CACNG2: variants seen among roughly 807,000 people sequenced by gnomAD.
The protein encoded by CACNG2 is calcium voltage-gated channel auxiliary subunit gamma 2, also known as voltage-dependent calcium channel gamma-2 subunit.
A neutral mutation model predicts 25.9 loss-of-function variants in CACNG2; 3 were observed. The observed-to-expected ratio is 0.12, with a 90% CI of 0.05 to 0.30. The LOEUF is 0.30. Among genes scored for constraint, CACNG2 ranks in the 10% least tolerant of loss-of-function variants. CACNG2 has a pLI of 1.00. For missense variants in CACNG2, 341 were observed against 432.5 expected, an observed-to-expected ratio of 0.79 and a Z score of 1.88; for synonymous variants, 167 against 173.3, an observed-to-expected ratio of 0.96 and a Z score of 0.29.
chr22:36,582,009 G>A (rs1164693951), intron 2 of CACNG2, among the ~76,000 whole-genome samples: 1 of 152,178 alleles, frequency 6.6e-6, no homozygotes, highest in East Asian at 1.9e-4. Context: ...CAGCCTTTCA[G>A]AAAATCCTGT....
chr22:36,565,302 A>G (rs1346593044), intron 3 of CACNG2, among the ~76,000 whole-genome samples: 1 of 152,258 alleles, frequency 6.6e-6, no homozygotes, highest in Admixed American at 6.5e-5. Context: ...AAGCTGGTGT[A>G]GCAGCGGGTG....
intron 1 of CACNG2, among the ~76,000 whole-genome samples, chr22:36,611,770 G>A (rs552675133): frequency 3.9e-5 from 6 of 152,250 alleles, no homozygotes; most frequent in Admixed American, 1.3e-4. Context: ...GTCTGGTCAG[G>A]ACCGAGGCCT....
At chr22:36,640,220 T>TAA (rs1936422448) in intron 1 of CACNG2, among the ~76,000 whole-genome samples, 3 of 152,152 alleles carry the variant, frequency 2.0e-5, no homozygotes, top group Admixed American at 1.3e-4. Context: ...CAGGGGCGGT[T>TAA]GTGAGGAATC....
chr22:36,651,826 C>T (rs1441425051), intron 1 of CACNG2, among the ~76,000 whole-genome samples: 1 of 152,084 alleles, frequency 6.6e-6, no homozygotes, highest in Non-Finnish European at 1.5e-5. Flanking sequence ...TGACACTTAC[C>T]AACCTCTCCT....
At chr22:36,571,282 C>A (rs1935219651) in intron 2 of CACNG2, among the ~76,000 whole-genome samples, 1 of 151,784 alleles carries the variant, frequency 6.6e-6, no homozygotes, top group African/African-American at 2.4e-5. Flanking sequence ...CATGGCGAAA[C>A]CTTGCTTCTA....
chr22:36,646,537 G>A (rs1423057672), intron 1 of CACNG2, among the ~76,000 whole-genome samples: 1 of 152,070 alleles, frequency 6.6e-6, no homozygotes, highest in East Asian at 1.9e-4. Context: ...AATCCAAGAA[G>A]CCTATTTTAG....
intron 1 of CACNG2, among the ~76,000 whole-genome samples, chr22:36,601,517 A>G (rs185979290): frequency 1.3e-5 from 2 of 151,816 alleles, no homozygotes; most frequent in East Asian, 3.9e-4. Flanking sequence ...TTTTTGGGAC[A>G]GGGTCTCCCT....
chr22:36,669,142 C>T (rs975375394), intron 1 of CACNG2, among the ~76,000 whole-genome samples: 1 of 152,102 alleles, frequency 6.6e-6, no homozygotes, highest in African/African-American at 2.4e-5. Flanking sequence ...AGAATGCCTG[C>T]CTGCGTCAGT....
Position 36,579,543 on chromosome 22 carries a change from A to G in CACNG2, c.295+7922T>C, listed in dbSNP as rs563048932. 8.5e-4 allele frequency among the ~76,000 whole-genome samples: 130 copies of G among 152,066 alleles called. 1 individual carries two copies. Among genetic ancestry groups the G allele is most frequent in the African/African-American group, 2.9e-3 (121 of 41,466 alleles). On this transcript the variant is annotated intron_variant, in intron 2 of 3. Coordinates refer to ENST00000300105, the MANE Select transcript of CACNG2 (RefSeq NM_006078.5). ...GCCTGGAGATAGCTGTGGTCTCCTA[A>G]GTGGTCTCCCTCTCCTGCAGAAGCT...
At chr22:36,679,314 A>G (rs776675940) in intron 1 of CACNG2, among the ~76,000 whole-genome samples, 5 of 151,982 alleles carry the variant, frequency 3.3e-5, no homozygotes, top group Non-Finnish European at 5.9e-5. Context: ...CAGGGGTTAA[A>G]GTCCTTTATA....
intron 1 of CACNG2, among the ~76,000 whole-genome samples, chr22:36,645,913 G>A (rs537613873): frequency 6.6e-6 from 1 of 152,288 alleles, no homozygotes; most frequent in East Asian, 1.9e-4. Flanking sequence ...AAAATTACCT[G>A]CATAGAGTCA....
intron 2 of CACNG2, among the ~76,000 whole-genome samples, chr22:36,573,474 G>C (rs547007073): frequency 1.3e-5 from 2 of 152,228 alleles, no homozygotes; most frequent in African/African-American, 4.8e-5. Flanking sequence ...TAGATTACAG[G>C]CCATGTGCCA....
intron 2 of CACNG2, among the ~76,000 whole-genome samples, chr22:36,567,344 GAA>G (rs1569014816): frequency 6.6e-6 from 1 of 152,128 alleles, no homozygotes; most frequent in Non-Finnish European, 1.5e-5. Context: ...GCTTTACAAA[GAA>G]AAAGTTTCTT....
At chr22:36,589,911 T>C (rs1935560494) in intron 1 of CACNG2, among the ~76,000 whole-genome samples, 1 of 152,240 alleles carries the variant, frequency 6.6e-6, no homozygotes, top group African/African-American at 2.4e-5. Context: ...AATCAGTGTA[T>C]TTGAAAAGCA....
chr22:36,683,857 C>A (rs144064274), intron 1 of CACNG2, among the ~76,000 whole-genome samples: 6 of 152,220 alleles, frequency 3.9e-5, no homozygotes, highest in South Asian at 2.1e-4. Flanking sequence ...CTCTCCACCC[C>A]CCGCGACCCC....
intron 1 of CACNG2, among the ~76,000 whole-genome samples, chr22:36,666,954 G>A (rs1035791138): frequency 1.3e-5 from 2 of 149,060 alleles, no homozygotes; most frequent in Admixed American, 1.3e-4. Flanking sequence ...CTGCTTCCCC[G>A]CCACCCCACT....
At chr22:36,591,943 T>C (rs543483270) in intron 1 of CACNG2, among the ~76,000 whole-genome samples, 1 of 151,522 alleles carries the variant, frequency 6.6e-6, no homozygotes, top group East Asian at 2.0e-4. Flanking sequence ...TGAGGAAGGG[T>C]TGGGGACGGG....
intron 1 of CACNG2, among the ~76,000 whole-genome samples, chr22:36,663,808 A>G (rs1312016390): frequency 6.6e-6 from 1 of 152,078 alleles, no homozygotes; most frequent in Non-Finnish European, 1.5e-5. Flanking sequence ...CCCAGCTCCC[A>G]TCTGTGGGGG....
At chr22:36,698,021 A>G (rs1331479288) in intron 1 of CACNG2, among the ~76,000 whole-genome samples, 3 of 151,912 alleles carry the variant, frequency 2.0e-5, no homozygotes, top group African/African-American at 7.3e-5. Context: ...TCAATGACTG[A>G]CTCCTTTTGA....
Sources: allele counts gnomAD v4.1 joint callset (sites outside exome capture counted in the v4.1 genomes callset), GRCh38; gene constraint gnomAD v4.1.1; transcripts MANE v1.5; gene names NCBI Gene and HGNC (gene_info 2026-07-23, HGNC 2026-07-21).